The following TRHDE variants were observed in gnomAD, a reference collection of about 807,000 sequenced individuals.
The protein encoded by TRHDE is thyrotropin-releasing hormone-degrading ectoenzyme.
Under a neutral mutation model 125.7 loss-of-function variants are expected in TRHDE, and 72 were observed. The observed-to-expected ratio is 0.57, with a 90% CI of 0.47 to 0.70. The LOEUF is 0.70. Among genes scored for constraint, TRHDE ranks in the 30% least tolerant of loss-of-function variants. The pLI is 0.00. For missense variants in TRHDE, 1,110 were observed against 1,327.1 expected (o/e 0.84, Z 2.54); for synonymous variants, 509 against 509.1 (o/e 1.00, Z 0.00).
intron 6 of TRHDE, among the ~76,000 whole-genome samples, chr12:72,524,437 C>A (rs1868299198): frequency 6.6e-6 from 1 of 152,118 alleles, no homozygotes; most frequent in Non-Finnish European, 1.5e-5. Context: ...TCTTGCTTCT[C>A]TACATATATA....
intron 2 of TRHDE, among the ~76,000 whole-genome samples, chr12:72,122,875 T>G (rs1198177971): frequency 6.6e-6 from 1 of 152,086 alleles, no homozygotes; most frequent in Non-Finnish European, 1.5e-5. Context: ...CACAGCCTTT[T>G]AAAACATACC....
At chr12:72,632,463 G>T (rs1294864172) in intron 15 of TRHDE, among the ~76,000 whole-genome samples, 4 of 151,638 alleles carry the variant, frequency 2.6e-5, no homozygotes, top group Non-Finnish European at 2.9e-5. Flanking sequence ...CTATAAATAG[G>T]GCAATTTATC....
chr12:72,440,169 TG>T (rs1233596203), intron 3 of TRHDE, among the ~76,000 whole-genome samples: 1 of 152,030 alleles, frequency 6.6e-6, no homozygotes, highest in African/African-American at 2.4e-5. Context: ...GCTAGTATTT[TG>T]TTGAGGATGT....
intron 2 of TRHDE, among the ~76,000 whole-genome samples, chr12:72,180,625 A>T (rs1592472237): frequency 6.6e-6 from 1 of 152,142 alleles, no homozygotes; most frequent in South Asian, 2.1e-4. Flanking sequence ...TTTGTCCTGG[A>T]TCTGAAGCTA....
intron 2 of TRHDE, among the ~76,000 whole-genome samples, chr12:72,310,113 A>G (rs944038751): frequency 2.0e-5 from 3 of 152,200 alleles, no homozygotes; most frequent in African/African-American, 4.8e-5. Context: ...GTGCTGGGCC[A>G]TGGAGTCTGG....
At chr12:72,240,301 C>G (rs1878449060) in intron 2 of TRHDE, among the ~76,000 whole-genome samples, 1 of 57,248 alleles carries the variant, frequency 1.7e-5, no homozygotes, top group Non-Finnish European at 3.8e-5. Context: ...GTCCTTCTCA[C>G]ATTTTATATA....
At chr12:72,410,595 T>C (rs571821705) in intron 3 of TRHDE, among the ~76,000 whole-genome samples, 8 of 152,166 alleles carry the variant, frequency 5.3e-5, no homozygotes, top group South Asian at 2.1e-4. Flanking sequence ...TAAATTAGCA[T>C]AATTTAAAAA....
At chr12:72,628,269 A>G (rs558338660) in intron 15 of TRHDE, among the ~76,000 whole-genome samples, 2 of 152,020 alleles carry the variant, frequency 1.3e-5, no homozygotes, top group East Asian at 3.9e-4. Context: ...TAGGAGAAGG[A>G]CAATTTGACC....
intron 15 of TRHDE, among the ~76,000 whole-genome samples, chr12:72,639,958 T>C (rs1873968488): frequency 2.7e-5 from 1 of 37,450 alleles, no homozygotes; most frequent in Admixed American, 3.7e-4. Flanking sequence ...GTCTTTTTGT[T>C]TGTCTGTGCC....
chr12:72,091,674 G>A (rs1364254049), intron 1 of TRHDE, among the ~76,000 whole-genome samples: 1 of 152,178 alleles, frequency 6.6e-6, no homozygotes, highest in African/African-American at 2.4e-5. Flanking sequence ...GGCTATATAA[G>A]TAAACAGCAA....
At chr12:72,503,907 G>A (rs369122926) in intron 6 of TRHDE, among the ~76,000 whole-genome samples, 2 of 152,168 alleles carry the variant, frequency 1.3e-5, no homozygotes, top group Non-Finnish European at 1.5e-5. Flanking sequence ...CAGGGATGGG[G>A]TATTCTGACT....
At chr12:72,646,403 G>T (rs961782980) in intron 15 of TRHDE, among the ~76,000 whole-genome samples, 24 of 151,994 alleles carry the variant, frequency 1.6e-4, no homozygotes, top group African/African-American at 5.3e-4. Context: ...AAAAAAGGAA[G>T]ATGGCAAAAG....
intron 10 of TRHDE, among the ~76,000 whole-genome samples, chr12:72,574,184 A>G (rs921644627): frequency 6.6e-6 from 1 of 151,988 alleles, no homozygotes; most frequent in African/African-American, 2.4e-5. Flanking sequence ...CAAGGTAATG[A>G]GAGGGAAAAT....
intron 2 of TRHDE, chr12:72,257,344 TATTAA>T (rs1280469037): frequency 3.9e-5 from 6 of 152,272 alleles, no homozygotes; most frequent in African/African-American, 1.2e-4. Flanking sequence ...AAAAATATTA[TATTAA>T]ATTAACTTCA....
intron 2 of TRHDE, among the ~76,000 whole-genome samples, chr12:72,179,268 G>A (rs565517224): frequency 7.9e-5 from 12 of 152,204 alleles, no homozygotes; most frequent in African/African-American, 2.6e-4. Flanking sequence ...TTTGAAGTCA[G>A]TAGAATTTAC....
At chr12:72,126,026 T>C (rs1489072485) in intron 2 of TRHDE, among the ~76,000 whole-genome samples, 1 of 152,124 alleles carries the variant, frequency 6.6e-6, no homozygotes, top group Non-Finnish European at 1.5e-5. Flanking sequence ...TGGGAGGGTG[T>C]CCTTGAGTAT....
rs1360142523 is a variant in TRHDE at position 72,668,061 on chromosome 12, A to C, written c.*4866A>C. On this transcript the variant is annotated 3_prime_UTR_variant, in exon 19 of 19. Coordinates refer to ENST00000261180, the MANE Select transcript of TRHDE (RefSeq NM_013381.3). ...ATTAGTATATGTGAACTTATGAAAAAATGTTCTTGTAAATTATTCTAGAAT... is the reference window on the plus strand; with the variant it reads ...ATTAGTATATGTGAACTTATGAAAACATGTTCTTGTAAATTATTCTAGAAT... The C allele has an allele frequency of 6.6e-6, 1 of 151,680 alleles. No homozygotes were observed. Among genetic ancestry groups the C allele is most frequent in the Admixed American group, 6.6e-5 (1 of 15,160 alleles). 9.4% of individuals were successfully genotyped at this position (151,680 alleles called of 1,614,324 possible). A position where few individuals can be genotyped will look rare whatever the true frequency, so the allele number is the denominator to read the frequency against.
intron 2 of TRHDE, among the ~76,000 whole-genome samples, chr12:72,222,254 A>C (rs967922750): frequency 6.6e-6 from 1 of 152,048 alleles, no homozygotes; most frequent in Non-Finnish European, 1.5e-5. Context: ...GGGTAAGAAG[A>C]GTATGTGGAA....
chr12:72,458,646 C>T (rs1234320455), intron 3 of TRHDE, among the ~76,000 whole-genome samples: 1 of 152,126 alleles, frequency 6.6e-6, no homozygotes, highest in Non-Finnish European at 1.5e-5. Context: ...CTAGGGGTGA[C>T]TCAAACTCAG....
Sources: allele counts gnomAD v4.1 joint callset (sites outside exome capture counted in the v4.1 genomes callset), GRCh38; gene constraint gnomAD v4.1.1; transcripts MANE v1.5; gene names NCBI Gene and HGNC (gene_info 2026-07-23, HGNC 2026-07-21).